The following TLL1 variants were observed in gnomAD, a reference collection of about 807,000 sequenced individuals.
TLL1 encodes tolloid-like protein 1.
A neutral mutation model predicts 128.2 loss-of-function variants in TLL1; 49 were observed. The ratio of observed to expected loss-of-function variants is 0.38; its 90% confidence interval spans 0.30 to 0.48. The LOEUF (loss-of-function observed/expected upper bound fraction) is 0.48, where lower values mean the gene tolerates loss of function less well. Among genes scored for constraint, TLL1 ranks in the 20% least tolerant of loss-of-function variants. The probability of loss-of-function intolerance (pLI) is 0.96; values close to 1 mark genes in which losing one functional copy is unlikely to be tolerated. For synonymous variants in TLL1, 454 were observed against 418.8 expected (o/e 1.08, Z -1.03); for missense variants, 1,123 against 1,242.0 (o/e 0.90, Z 1.44).
At chr4:166,023,953 ATTG>A (rs1416818161) in intron 8 of TLL1, among the ~76,000 whole-genome samples, 1 of 152,072 alleles carries the variant, frequency 6.6e-6, no homozygotes, top group Non-Finnish European at 1.5e-5. Context: ...CTCCCAAATC[ATTG>A]TTTAGCATTT....
intron 18 of TLL1, among the ~76,000 whole-genome samples, chr4:166,085,742 T>G (rs2111151049): frequency 6.6e-6 from 1 of 152,260 alleles, no homozygotes; most frequent in South Asian, 2.1e-4. Context: ...AGGTTTTTTG[T>G]TGCTGTTGTT....
intron 1 of TLL1, among the ~76,000 whole-genome samples, chr4:165,931,990 GC>G (rs1733549286): frequency 6.6e-6 from 1 of 152,300 alleles, no homozygotes; most frequent in South Asian, 2.1e-4. Context: ...ACTTTCCTTT[GC>G]TGGAAAGCCA....
intron 9 of TLL1, among the ~76,000 whole-genome samples, chr4:166,027,074 TC>T (rs1306330358): frequency 2.0e-5 from 3 of 152,126 alleles, no homozygotes; most frequent in Non-Finnish European, 4.4e-5. Context: ...AAGAATGAAC[TC>T]ATGTCCTTGT....
intron 1 of TLL1, among the ~76,000 whole-genome samples, chr4:165,883,849 A>G (rs975066484): frequency 2.0e-5 from 3 of 152,204 alleles, no homozygotes; most frequent in Non-Finnish European, 2.9e-5. Context: ...CATTTTCCGT[A>G]TGTTGTTCTC....
chr4:165,873,800 C>T lies in TLL1; in HGVS notation c.-105C>T, dbSNP rs1200912744. 7.4e-7 allele frequency: 1 copy of T among 1,346,130 alleles called. No homozygotes were observed. The highest frequency in any genetic ancestry group is 2.3e-5 in the East Asian group (1 of 43,184). 83.4% of individuals were successfully genotyped at this position (1,346,130 alleles called of 1,614,324 possible). ...CACCCCGGTCCCGCCGAGGAGCCTC[C>T]GGGTGGGGAGAAGAGCACCGGTGCC... On this transcript the variant is annotated 5_prime_UTR_variant, in exon 1 of 21. Coordinates refer to ENST00000061240, the MANE Select transcript of TLL1 (RefSeq NM_012464.5).
At chr4:165,905,176 C>T (rs1459228626) in intron 1 of TLL1, among the ~76,000 whole-genome samples, 2 of 152,140 alleles carry the variant, frequency 1.3e-5, no homozygotes, top group African/African-American at 4.8e-5. Context: ...AAACTTATAC[C>T]TGCTATGCGA....
At chr4:166,083,017 G>A (rs1334086853) in intron 18 of TLL1, among the ~76,000 whole-genome samples, 4 of 152,058 alleles carry the variant, frequency 2.6e-5, no homozygotes, top group African/African-American at 7.2e-5. Context: ...TTAGAAAACA[G>A]TTTCAATGAA....
At chr4:165,972,739 A>G (rs1394344576) in intron 1 of TLL1, among the ~76,000 whole-genome samples, 5 of 152,188 alleles carry the variant, frequency 3.3e-5, no homozygotes, top group East Asian at 1.9e-4. Flanking sequence ...ATATTACCCT[A>G]TCTATCTTTT....
chr4:165,958,620 C>G (rs1388623703), intron 1 of TLL1, among the ~76,000 whole-genome samples: 2 of 143,736 alleles, frequency 1.4e-5, no homozygotes, highest in Non-Finnish European at 3.0e-5. Context: ...AGCCCTTTGT[C>G]AGATGAGTAG....
At chr4:165,979,798 T>C (rs577082348) in intron 1 of TLL1, among the ~76,000 whole-genome samples, 2 of 152,172 alleles carry the variant, frequency 1.3e-5, no homozygotes, top group South Asian at 4.1e-4. Flanking sequence ...TCTACATAAA[T>C]GAACAAATAA....
At chr4:165,962,858 C>T (rs1388182267) in intron 1 of TLL1, among the ~76,000 whole-genome samples, 1 of 151,808 alleles carries the variant, frequency 6.6e-6, no homozygotes, top group Non-Finnish European at 1.5e-5. Context: ...GAGTTTGAGA[C>T]CAGCCTGGCC....
At chr4:165,953,566 GAAAA>G (rs35500206) in intron 1 of TLL1, among the ~76,000 whole-genome samples, 1 of 134,540 alleles carries the variant, frequency 7.4e-6, no homozygotes, top group Non-Finnish European at 1.6e-5. Context: ...TTTTCATTTA[GAAAA>G]AAAAAAAAAA....
At chr4:166,014,703 A>G (rs1737857783) in intron 8 of TLL1, 143 bp downstream of exon 8, 1 of 1,309,308 alleles carries the variant, frequency 7.6e-7, no homozygotes, top group African/African-American at 1.5e-5. Context: ...TAATCATAAA[A>G]TGAGGCAGGA....
chr4:165,913,330 G>C (rs182536464), intron 1 of TLL1, among the ~76,000 whole-genome samples: 5 of 152,258 alleles, frequency 3.3e-5, no homozygotes, highest in Admixed American at 1.3e-4. Context: ...TTTATTGTGA[G>C]AGAAGGCCTT....
At chr4:166,022,521 T>C (rs1738292217) in intron 8 of TLL1, among the ~76,000 whole-genome samples, 1 of 152,190 alleles carries the variant, frequency 6.6e-6, no homozygotes, top group African/African-American at 2.4e-5. Context: ...CAAATTATTG[T>C]GTGTCTACTT....
At chr4:165,900,638 C>G (rs1731941458) in intron 1 of TLL1, among the ~76,000 whole-genome samples, 1 of 151,826 alleles carries the variant, frequency 6.6e-6, no homozygotes, top group South Asian at 2.1e-4. Flanking sequence ...TTGCGGATAA[C>G]CCGATCTTTC....
At chr4:166,019,795 CAGT>C (rs774298030) in intron 8 of TLL1, among the ~76,000 whole-genome samples, 2 of 151,992 alleles carry the variant, frequency 1.3e-5, no homozygotes, top group African/African-American at 2.4e-5. Context: ...ATCATACTAT[CAGT>C]TTATGAAATT....
chr4:165,962,809 A>G (rs1735178739), intron 1 of TLL1, among the ~76,000 whole-genome samples: 1 of 152,036 alleles, frequency 6.6e-6, no homozygotes, highest in Admixed American at 6.6e-5. Flanking sequence ...AAACACAGGA[A>G]CAGAAAACCA....
chr4:165,937,897 C>CT (rs1252708603), intron 1 of TLL1, among the ~76,000 whole-genome samples: 2 of 120,868 alleles, frequency 1.7e-5, no homozygotes, highest in East Asian at 5.6e-4. Flanking sequence ...AAAATTATTT[C>CT]TTTTTTCTTT....
Sources: gnomAD v4.1 joint callset for allele counts (sites outside exome capture counted in the v4.1 genomes callset) on GRCh38, gnomAD v4.1.1 for gene constraint, MANE v1.5 for transcripts, NCBI Gene and HGNC (gene_info 2026-07-23, HGNC 2026-07-21) for gene names.